The following MCC variants were observed in gnomAD, a reference collection of about 807,000 sequenced individuals.
MCC encodes colorectal mutant cancer protein.
A neutral mutation model predicts 116.2 loss-of-function variants in MCC; 90 were observed. The ratio of observed to expected loss-of-function variants is 0.77; its 90% CI spans 0.65 to 0.92. The LOEUF is 0.92. Among genes scored for constraint, MCC ranks in the 40% least tolerant of loss-of-function variants. MCC has a pLI of 0.00. For synonymous variants in MCC, 578 were observed against 510.5 expected, an observed-to-expected ratio of 1.13 and a Z score of -1.78; for missense variants, 1,516 against 1,312.2, an observed-to-expected ratio of 1.16 and a Z score of -2.40.
At chr5:113,424,184 C>CAT (rs1271247258) in intron 1 of MCC, among the ~76,000 whole-genome samples, 7 of 146,116 alleles carry the variant, frequency 4.8e-5, no homozygotes, top group South Asian at 2.2e-4. Flanking sequence ...CACACACACA[C>CAT]ATTCTAATCA....
intron 4 of MCC, among the ~76,000 whole-genome samples, chr5:113,148,192 T>C (rs1759640087): frequency 6.6e-6 from 1 of 152,260 alleles, no homozygotes; most frequent in South Asian, 2.1e-4. Flanking sequence ...GGCTGTAGAA[T>C]GTTGATGCAT....
intron 1 of MCC, chr5:113,436,762 C>T (rs1296510881): frequency 6.6e-6 from 1 of 152,126 alleles, no homozygotes; most frequent in Non-Finnish European, 1.5e-5. Flanking sequence ...CTTCATCTGC[C>T]TAAGAACCTT....
intron 6 of MCC, among the ~76,000 whole-genome samples, chr5:113,110,687 C>G (rs1757037659): frequency 6.6e-6 from 1 of 152,126 alleles, no homozygotes; most frequent in Admixed American, 6.5e-5. Context: ...TGAACAGGAC[C>G]CAGAAGACTG....
chr5:113,103,839 G>C (rs78246766), intron 7 of MCC, among the ~76,000 whole-genome samples: 2,489 of 152,260 alleles, frequency 0.016, 54 homozygotes, highest in African/African-American at 0.057. Flanking sequence ...AGAGGCCTTA[G>C]AGCTTTAACA....
intron 17 of MCC, 107 bp from the exon 18 acceptor site, chr5:113,029,163 C>G: frequency 8.7e-7 from 1 of 1,147,966 alleles, no homozygotes; most frequent in African/African-American, 1.6e-5. Flanking sequence ...CTTGCAAAGC[C>G]TAAAGGCAAG....
intron 3 of MCC, among the ~76,000 whole-genome samples, chr5:113,295,830 G>C (rs964906373): frequency 1.3e-5 from 2 of 152,186 alleles, no homozygotes; most frequent in African/African-American, 4.8e-5. Flanking sequence ...GTAGGTCTGC[G>C]AGATTGCTTA....
intron 3 of MCC, among the ~76,000 whole-genome samples, chr5:113,216,813 C>T (rs1234242053): frequency 6.6e-6 from 1 of 152,138 alleles, no homozygotes; most frequent in Non-Finnish European, 1.5e-5. Flanking sequence ...GTCTGACTCC[C>T]GTTCACTAGC....
intron 6 of MCC, among the ~76,000 whole-genome samples, chr5:113,108,007 G>A (rs1471063727): frequency 6.6e-6 from 1 of 152,090 alleles, no homozygotes; most frequent in Non-Finnish European, 1.5e-5. Context: ...AGAAGTACAA[G>A]GCCACTGCCC....
intron 2 of MCC, among the ~76,000 whole-genome samples, chr5:113,356,240 T>C (rs997320678): frequency 1.3e-5 from 2 of 151,748 alleles, no homozygotes; most frequent in African/African-American, 4.8e-5. Context: ...TCTCACTATG[T>C]TGTCCCAGTT....
At chr5:113,337,143 C>G (rs1179051146) in intron 3 of MCC, among the ~76,000 whole-genome samples, 1 of 152,184 alleles carries the variant, frequency 6.6e-6, no homozygotes. Context: ...CCCCTGCTAG[C>G]TCTTGTGGTG....
intron 8 of MCC, 129 bp downstream of exon 8, chr5:113,101,610 G>A (rs1203508768): frequency 2.3e-6 from 2 of 886,230 alleles, no homozygotes; most frequent in Non-Finnish European, 3.5e-6. Context: ...CTTCATAACA[G>A]GAAAGAGACA....
Position 113,488,348 on chromosome 5 carries a change from C to A in MCC, c.67G>T (p.Gly23Cys). ...SSSGGGGGGS[G>C]SSSSSSDTSS... Reference sequence around the variant, plus strand: ...GTGTCGCTGCTGCTGCTGCTGCTGCCGCTGCCGCCGCCGCCGCCGCCGCTG... The same window carrying A: ...GTGTCGCTGCTGCTGCTGCTGCTGCAGCTGCCGCCGCCGCCGCCGCCGCTG... The change falls in exon 1 of 19, where the codon GGC becomes TGC. Residue 23 changes from glycine to cysteine, a missense_variant. Coordinates refer to ENST00000408903, the MANE Select transcript of MCC (RefSeq NM_001085377.2). 1 of 1,446,760 alleles carries A rather than the reference C, an allele frequency of 6.9e-7. No individual in the cohort carries two copies. Among genetic ancestry groups the A allele is most frequent in the Non-Finnish European group, 9.2e-7 (1 of 1,084,698 alleles). The allele number at this position is 1,446,760 out of a possible 1,614,324, so 89.6% of individuals were successfully genotyped here. A position where few individuals can be genotyped will look rare whatever the true frequency, so the allele number is the denominator to read the frequency against.
intron 17 of MCC, among the ~76,000 whole-genome samples, chr5:113,039,012 A>G (rs1216619833): frequency 6.6e-6 from 1 of 152,060 alleles, no homozygotes; most frequent in Non-Finnish European, 1.5e-5. Context: ...AGCCTCCTGG[A>G]GGGCAGGGCG....
At chr5:113,437,921 G>C (rs996805506) in intron 1 of MCC, among the ~76,000 whole-genome samples, 4 of 152,128 alleles carry the variant, frequency 2.6e-5, no homozygotes, top group African/African-American at 9.7e-5. Context: ...CACATCTCAG[G>C]TCTGCTCCTT....
intron 3 of MCC, among the ~76,000 whole-genome samples, chr5:113,185,344 A>AAC (rs199816276): frequency 5.3e-4 from 80 of 151,964 alleles, no homozygotes; most frequent in East Asian, 2.7e-3. Flanking sequence ...GAAAACTGCA[A>AAC]ACACACACAC....
Position 113,264,570 on chromosome 5 carries a change from C to T in MCC, c.627+75949G>A, listed in dbSNP as rs185495744. On this transcript the variant is annotated intron_variant, in intron 3 of 18. Transcript: ENST00000408903. Reference sequence around the variant, plus strand: ...AAAGTAAACACTCCCCCTTACTTCCCTGTGATACTCTAGGGGGCTGCAAAC... The same window carrying T: ...AAAGTAAACACTCCCCCTTACTTCCTTGTGATACTCTAGGGGGCTGCAAAC... Among the ~76,000 whole-genome samples, 80 of 152,260 alleles carry T rather than the reference C, an allele frequency of 5.3e-4. 1 individual carries two copies. The highest frequency in any genetic ancestry group is 3.4e-3 in the Middle Eastern group (1 of 294).
chr5:113,068,795 A>G (rs2150232678), intron 12 of MCC, among the ~76,000 whole-genome samples: 1 of 152,278 alleles, frequency 6.6e-6, no homozygotes, highest in South Asian at 2.1e-4. Context: ...GCCTTCTTAG[A>G]GCAGATCCTC....
chr5:113,432,061 G>A (rs969859018), intron 1 of MCC, among the ~76,000 whole-genome samples: 6 of 152,164 alleles, frequency 3.9e-5, no homozygotes, highest in South Asian at 4.1e-4. Flanking sequence ...GGTTGAACCC[G>A]GGAGGCGGAG....
chr5:113,151,068 C>T (rs907838848), intron 4 of MCC, among the ~76,000 whole-genome samples: 7 of 152,098 alleles, frequency 4.6e-5, no homozygotes, highest in African/African-American at 9.7e-5. Context: ...GGTAGCCATT[C>T]GGAAGGAATC....
Sources: allele counts gnomAD v4.1 joint callset (sites outside exome capture counted in the v4.1 genomes callset), GRCh38; gene constraint gnomAD v4.1.1; transcripts MANE v1.5; gene names NCBI Gene and HGNC (gene_info 2026-07-23, HGNC 2026-07-21).